Variants in DCC observed in about 807,000 individuals in gnomAD.
DCC encodes netrin receptor DCC.
In DCC, 58 loss-of-function variants were observed where a neutral mutation model predicts 172.5. That is an observed-to-expected ratio of 0.34 (90% CI 0.27 to 0.42). DCC has a LOEUF of 0.42. Ranked by LOEUF, DCC falls within the 10% of genes least tolerant of loss-of-function variation. The probability of loss-of-function intolerance (pLI) is 1.00; values close to 1 mark genes in which losing one functional copy is unlikely to be tolerated. For missense variants in DCC, 1,740 were observed against 1,791.0 expected, an observed-to-expected ratio of 0.97 and a Z score of 0.51; for synonymous variants, 709 against 644.5, an observed-to-expected ratio of 1.10 and a Z score of -1.52.
intron 2 of DCC, among the ~76,000 whole-genome samples, chr18:52,883,586 G>A (rs1207990712): frequency 6.6e-6 from 1 of 151,898 alleles, no homozygotes; most frequent in Non-Finnish European, 1.5e-5. Flanking sequence ...CAAGCAAAAT[G>A]CTAATAAAAC....
Position 52,497,314 on chromosome 18 carries a change from T to TATATATAC in DCC, c.91+156437_91+156438insTATATACA, listed in dbSNP as rs1281625390. Among the ~76,000 whole-genome samples the TATATATAC allele has an allele frequency of 5.9e-4, 44 of 73,962 alleles. 3 individuals carry two copies. Among genetic ancestry groups the TATATATAC allele is most frequent in the African/African-American group, 2.2e-3 (43 of 19,776 alleles). The allele number at this position is 73,962 out of a possible 152,430, so 48.5% of individuals were successfully genotyped here. A position where few individuals can be genotyped will look rare whatever the true frequency, so the allele number is the denominator to read the frequency against. On this transcript the variant is annotated intron_variant, in intron 1 of 28. Coordinates refer to ENST00000442544, the MANE Select transcript of DCC (RefSeq NM_005215.4). ...ATATATATATATATATATATATATA[T>TATATATAC]ACACACACACATATATATACACACG... is the stretch of plus-strand genomic sequence containing the variant.
chr18:52,700,225 CA>C (rs2036090790), intron 1 of DCC, among the ~76,000 whole-genome samples: 1 of 145,626 alleles, frequency 6.9e-6, no homozygotes, highest in Non-Finnish European at 1.5e-5. Context: ...TGTGCACACA[CA>C]TGCACACTCA....
intron 28 of DCC, among the ~76,000 whole-genome samples, chr18:53,527,350 C>T (rs1210410943): frequency 6.6e-6 from 1 of 151,572 alleles, no homozygotes; most frequent in Non-Finnish European, 1.5e-5. Context: ...TCCCAAGTAG[C>T]TAAGACTATA....
At chr18:53,093,931 T>G (rs1356758175) in intron 7 of DCC, among the ~76,000 whole-genome samples, 1 of 152,184 alleles carries the variant, frequency 6.6e-6, no homozygotes, top group African/African-American at 2.4e-5. Context: ...CCTGGCTGTT[T>G]CCTTGGCAAC....
At chr18:53,275,132 G>T (rs1312575815) in intron 12 of DCC, among the ~76,000 whole-genome samples, 1 of 152,092 alleles carries the variant, frequency 6.6e-6, no homozygotes, top group African/African-American at 2.4e-5. Context: ...AATGATGTCA[G>T]CTATGCAGAA....
intron 1 of DCC, among the ~76,000 whole-genome samples, chr18:52,630,848 A>T (rs1401699779): frequency 6.6e-6 from 1 of 152,164 alleles, no homozygotes; most frequent in Non-Finnish European, 1.5e-5. Flanking sequence ...TCCACACATG[A>T]CTTTAAAAAG....
chr18:52,688,462 T>C (rs1338101085), intron 1 of DCC, among the ~76,000 whole-genome samples: 1 of 152,230 alleles, frequency 6.6e-6, no homozygotes, highest in Admixed American at 6.5e-5. Flanking sequence ...CTCTTTCAGG[T>C]CTTTTATCTA....
At chr18:53,107,093 C>T (rs2043259786) in intron 7 of DCC, among the ~76,000 whole-genome samples, 1 of 151,768 alleles carries the variant, frequency 6.6e-6, no homozygotes, top group African/African-American at 2.4e-5. Flanking sequence ...CATAAACATC[C>T]TCTAAGAATG....
chr18:52,549,069 T>C (rs1029364316), intron 1 of DCC, among the ~76,000 whole-genome samples: 1 of 152,024 alleles, frequency 6.6e-6, no homozygotes, highest in Non-Finnish European at 1.5e-5. Context: ...AAACACAATA[T>C]GAGCAATTTT....
chr18:52,434,369 C>T (rs1987721136), intron 1 of DCC, among the ~76,000 whole-genome samples: 1 of 152,122 alleles, frequency 6.6e-6, no homozygotes, highest in African/African-American at 2.4e-5. Context: ...GGGCAGCCCC[C>T]TGCACCTAAG....
chr18:53,398,130 G>A (rs1214720265), intron 18 of DCC, among the ~76,000 whole-genome samples: 1 of 151,906 alleles, frequency 6.6e-6, no homozygotes, highest in African/African-American at 2.4e-5. Flanking sequence ...AAGAATCCAG[G>A]GCTTAACATG....
intron 26 of DCC, among the ~76,000 whole-genome samples, chr18:53,491,509 C>T (rs1244437585): frequency 6.6e-6 from 1 of 152,048 alleles, no homozygotes; most frequent in Non-Finnish European, 1.5e-5. Context: ...TATCCCTCCC[C>T]TACCCTCCAA....
chr18:52,489,351 A>G (rs2030387568), intron 1 of DCC, among the ~76,000 whole-genome samples: 1 of 152,128 alleles, frequency 6.6e-6, no homozygotes, highest in Non-Finnish European at 1.5e-5. Flanking sequence ...AGTTTTCTAC[A>G]ATTATTATTA....
intron 7 of DCC, among the ~76,000 whole-genome samples, chr18:53,135,088 T>A (rs574854591): frequency 6.6e-6 from 1 of 152,296 alleles, no homozygotes; most frequent in African/African-American, 2.4e-5. Context: ...AAATCCATTA[T>A]ATTTGTAATG....
intron 5 of DCC, among the ~76,000 whole-genome samples, chr18:53,018,527 C>T (rs1309052020): frequency 6.6e-6 from 1 of 152,104 alleles, no homozygotes; most frequent in Admixed American, 6.5e-5. Flanking sequence ...ATTTTTGATA[C>T]TTCAATTTAA....
At chr18:53,105,374 G>T (rs16956139) in intron 7 of DCC, among the ~76,000 whole-genome samples, 1 of 151,942 alleles carries the variant, frequency 6.6e-6, no homozygotes, top group Non-Finnish European at 1.5e-5. Context: ...TTTATTTCCC[G>T]AGCTTATCTG....
intron 1 of DCC, among the ~76,000 whole-genome samples, chr18:52,615,387 G>T (rs527608213): frequency 9.2e-5 from 14 of 152,154 alleles, no homozygotes; most frequent in African/African-American, 2.7e-4. Context: ...GATTCAAAGC[G>T]GTGGGAACAG....
At chr18:53,022,358 A>G (rs2041892613) in intron 5 of DCC, among the ~76,000 whole-genome samples, 1 of 151,950 alleles carries the variant, frequency 6.6e-6, no homozygotes, top group Non-Finnish European at 1.5e-5. Flanking sequence ...TTTCTGTGTC[A>G]CTTTTCATAC....
intron 2 of DCC, among the ~76,000 whole-genome samples, chr18:52,886,598 G>T (rs1305294629): frequency 6.6e-6 from 1 of 152,074 alleles, no homozygotes; most frequent in African/African-American, 2.4e-5. Flanking sequence ...TAGCGTATTC[G>T]TTGTCTTTTT....
Sources: gnomAD v4.1 joint callset for allele counts (sites outside exome capture counted in the v4.1 genomes callset) on GRCh38, gnomAD v4.1.1 for gene constraint, MANE v1.5 for transcripts, NCBI Gene and HGNC (gene_info 2026-07-23, HGNC 2026-07-21) for gene names.